C11orf21: variants seen among roughly 807,000 people sequenced by gnomAD.
C11orf21 encodes the protein chromosome 11 open reading frame 21.
C11orf21 carries 19 observed loss-of-function variants against 15.2 expected under a neutral mutation model. That is an observed-to-expected ratio of 1.25 (90% CI 0.87 to 1.84). C11orf21 has a LOEUF of 1.84. Ranked by LOEUF, C11orf21 falls within the 40% of genes most tolerant of loss-of-function variation. C11orf21 has a pLI of 0.00. For missense variants in C11orf21, 171 were observed against 174.4 expected, an observed-to-expected ratio of 0.98 and a Z score of 0.11; for synonymous variants, 62 against 66.8, an observed-to-expected ratio of 0.93 and a Z score of 0.35.
intron 3 of C11orf21, among the ~76,000 whole-genome samples, chr11:2,298,284 T>C (rs1847576423): frequency 6.6e-6 from 1 of 152,186 alleles, no homozygotes. Flanking sequence ...CGCTTGAGCA[T>C]CGGGGTCTGG....
At chr11:2,300,485 C>T in intron 2 of C11orf21, 35 bp downstream of exon 2, 1 of 1,396,808 alleles carries the variant, frequency 7.2e-7, no homozygotes, top group South Asian at 1.3e-5. Context: ...CCTGCCCCCG[C>T]TGGTGGGGCA....
chr11:2,297,689 ATGAGG>A lies in C11orf21; in HGVS notation c.*256_*260del, dbSNP rs1173096616. On this transcript the variant is annotated 3_prime_UTR_variant, in exon 4 of 4. Coordinates refer to ENST00000381153, the MANE Select transcript of C11orf21 (RefSeq NM_001329958.2). ...GCCAGCCCAGAGCTGTTTAGTAGAC[ATGAGG>A]TGAGTGAATGAATGAATGAATGAAT... 3 of 152,278 alleles carry A rather than the reference ATGAGG, an allele frequency of 2.0e-5. No homozygotes were observed. The highest frequency in any genetic ancestry group is 4.4e-5 in the Non-Finnish European group (3 of 68,070). The allele number at this position is 152,278 out of a possible 1,614,324, so 9.4% of individuals were successfully genotyped here. A position where few individuals can be genotyped will look rare whatever the true frequency, so the allele number is the denominator to read the frequency against.
upstream of C11orf21, chr11:2,302,581 AT>A: frequency 1.8e-6 from 1 of 549,946 alleles, no homozygotes; most frequent in South Asian, 2.2e-5. Flanking sequence ...CGTAGACACA[AT>A]GATCAGAGGT....
intron 1 of C11orf21, 182 bp from the exon 2 acceptor site, chr11:2,300,795 A>G (rs1230463020): frequency 1.3e-6 from 2 of 1,549,236 alleles, no homozygotes. Context: ...CATAGCCAAG[A>G]GCAGCTCATC....
upstream of C11orf21, chr11:2,302,806 G>A (rs1847835906): frequency 1.8e-5 from 29 of 1,577,666 alleles, no homozygotes; most frequent in Non-Finnish European, 2.3e-5. Flanking sequence ...TCCTGCAGCA[G>A]TCCCATGCCC....
Position 2,300,824 on chromosome 11 carries a change from C to T in C11orf21, c.54-211G>A, listed in dbSNP as rs577743055. 20 of 1,524,164 alleles carry T rather than the reference C, an allele frequency of 1.3e-5. No individual in the cohort carries two copies. The African/African-American group carries it at 1.9e-4, about 15-fold the overall frequency. The allele number at this position is 1,524,164 out of a possible 1,614,324, so 94.4% of individuals were successfully genotyped here. ...GCTCATCTTCCCTGGAGAGGACGGG[C>T]TGCCCACTTGCACAGCCCGGGGGCC... is the stretch of plus-strand genomic sequence containing the variant. On this transcript the variant is annotated intron_variant, in intron 1 of 3. Transcript: ENST00000381153.
At chr11:2,298,012 T>G (rs1345443314) in intron 3 of C11orf21, 91 bp from the exon 4 acceptor site, 1 of 152,202 alleles carries the variant, frequency 6.6e-6, no homozygotes, top group Admixed American at 6.5e-5. Context: ...CCAGGGACCT[T>G]CATGTCCTCA....
intron 1 of C11orf21, 126 bp downstream of exon 1, chr11:2,301,630 T>G: frequency 1.3e-6 from 1 of 796,580 alleles, no homozygotes; most frequent in Non-Finnish European, 1.9e-6. Flanking sequence ...CACAGGACAT[T>G]TCAAAGGGTG....
In C11orf21 at chr11:2,299,702, G is replaced by A. The variant is rs1160109423; in HGVS notation, c.153C>T (p.Ala51=). Residue 51 remains alanine, a synonymous_variant, in exon 3 of 4, where the codon GCC becomes GCT. Coordinates refer to ENST00000381153, the MANE Select transcript of C11orf21 (RefSeq NM_001329958.2). ...TPGWPSRDQE[A]PGSMMPPAAA... is the part of the protein sequence containing the mutation. ...CTGCAGGTGGCATCATTGAGCCAGGGGCCTCCTGGTGGGTAAGGACATTGT... is the reference window on the plus strand; with the variant it reads ...CTGCAGGTGGCATCATTGAGCCAGGAGCCTCCTGGTGGGTAAGGACATTGT... 3.2e-6 allele frequency: 5 copies of A among 1,550,846 alleles called. No homozygotes were observed. In the East Asian group the frequency reaches 7.3e-5, roughly 23 times the overall value.
chr11:2,299,038 A>C (rs1167025339), intron 3 of C11orf21, among the ~76,000 whole-genome samples: 1 of 152,086 alleles, frequency 6.6e-6, no homozygotes, highest in Non-Finnish European at 1.5e-5. Context: ...CCCAGAACCC[A>C]GTTTGAGTAT....
At chr11:2,300,726 G>A (rs764918800) in intron 1 of C11orf21, 113 bp from the exon 2 acceptor site, 114 of 1,550,852 alleles carry the variant, frequency 7.4e-5, no homozygotes, top group Non-Finnish European at 9.0e-5. Flanking sequence ...CTCCAGGCCC[G>A]CCTCACCAGC....
rs1847528076 is a variant in C11orf21, at chr11:2,296,466, G to C, written c.*1484C>G. 1 of 152,188 alleles carries C rather than the reference G, an allele frequency of 6.6e-6. No homozygotes were observed. Among genetic ancestry groups the C allele is most frequent in the Non-Finnish European group, 1.5e-5 (1 of 68,066 alleles). The allele number at this position is 152,188 out of a possible 1,614,324, so 9.4% of individuals were successfully genotyped here. A position where few individuals can be genotyped will look rare whatever the true frequency, so the allele number is the denominator to read the frequency against. The stretch of plus-strand genomic sequence containing the variant: ...ATGGGTGTTTGTGTCCCCAGGAGTG[G>C]GTGTCAGGTTAGAGTTAGAGTCCAG... On this transcript the variant is annotated 3_prime_UTR_variant, in exon 4 of 4. Transcript: ENST00000381153. This position sits in a 1 kb window ranked among gnomAD's most constrained non-coding sequence, Gnocchi z 5.6.
chr11:2,302,750 A>C, upstream of C11orf21: 1 of 957,924 alleles, frequency 1.0e-6, no homozygotes, highest in Non-Finnish European at 1.6e-6. Context: ...GGGACCGGGA[A>C]GCTGGAGAGA....
upstream of C11orf21, among the ~76,000 whole-genome samples, chr11:2,302,427 C>T (rs1010544924): frequency 3.3e-5 from 5 of 152,174 alleles, no homozygotes; most frequent in African/African-American, 4.8e-5. Flanking sequence ...TCCTGAGGGG[C>T]AGCACAGAGC....
Position 2,296,730 on chromosome 11 carries a change from G to T in C11orf21, c.*1220C>A, listed in dbSNP as rs1466914000. The stretch of plus-strand genomic sequence containing the variant: ...CAAGGCCACAGGGCTCCATGGGCTG[G>T]ACTGTTCCAATCACTGCCGGTGCCA... On this transcript the variant is annotated 3_prime_UTR_variant, in exon 4 of 4. Coordinates refer to ENST00000381153, the MANE Select transcript of C11orf21 (RefSeq NM_001329958.2). The surrounding 1 kb of genome is among the most constrained non-coding windows in gnomAD (Gnocchi z 5.6). 1.3e-5 allele frequency: 2 copies of T among 152,324 alleles called. No homozygotes were observed. The highest frequency in any genetic ancestry group is 4.8e-5 in the African/African-American group (2 of 41,458). The allele number at this position is 152,324 out of a possible 1,614,324, so 9.4% of individuals were successfully genotyped here. A position where few individuals can be genotyped will look rare whatever the true frequency, so the allele number is the denominator to read the frequency against.
chr11:2,298,515 G>A (rs940964001), intron 3 of C11orf21, among the ~76,000 whole-genome samples: 20 of 152,212 alleles, frequency 1.3e-4, no homozygotes, highest in African/African-American at 4.8e-4. Flanking sequence ...AGGGTCCGAT[G>A]TGCATTTTTC....
rs1589781226 is a variant in C11orf21 at position 2,297,335 on chromosome 11, A to G, written c.*615T>C. 1 of 152,438 alleles carries G rather than the reference A, an allele frequency of 6.6e-6. No individual in the cohort carries two copies. The highest frequency in any genetic ancestry group is 6.5e-5 in the Admixed American group (1 of 15,290). The allele number at this position is 152,438 out of a possible 1,614,324, so 9.4% of individuals were successfully genotyped here. ...CCTGCACGGCCTCCAGCATTGCCCA[A>G]ATTCACTGCCTTCACTCCCAAGTCC... On this transcript the variant is annotated 3_prime_UTR_variant, in exon 4 of 4. Coordinates refer to ENST00000381153, the MANE Select transcript of C11orf21 (RefSeq NM_001329958.2).
At chr11:2,302,086 C>G (rs1249346035), upstream of C11orf21, 5 of 1,486,900 alleles carry the variant, frequency 3.4e-6, no homozygotes, top group South Asian at 4.3e-5. Flanking sequence ...GTCTGAGGCC[C>G]CTGCCCAGCT....
Position 2,296,480 on chromosome 11 carries a change from GTTA to G in C11orf21, c.*1467_*1469del, listed in dbSNP as rs1847528470. 6.6e-6 allele frequency: 1 copy of G among 152,192 alleles called. No homozygotes were observed. The highest frequency in any genetic ancestry group is 2.1e-4 in the South Asian group (1 of 4,782). The allele number at this position is 152,192 out of a possible 1,614,324, so 9.4% of individuals were successfully genotyped here. On this transcript the variant is annotated 3_prime_UTR_variant, in exon 4 of 4. Coordinates refer to ENST00000381153, the MANE Select transcript of C11orf21 (RefSeq NM_001329958.2). This position sits in a 1 kb window ranked among gnomAD's most constrained non-coding sequence, Gnocchi z 5.6. ...CCCCAGGAGTGGGTGTCAGGTTAGA[GTTA>G]GAGTCCAGTAATCCCCCTGAGTCTG... is the stretch of plus-strand genomic sequence containing the variant.
Sources: allele counts gnomAD v4.1 joint callset (sites outside exome capture counted in the v4.1 genomes callset), GRCh38; gene constraint gnomAD v4.1.1; non-coding constraint Gnocchi (gnomAD v3.1); transcripts MANE v1.5; gene names NCBI Gene and HGNC (gene_info 2026-07-23, HGNC 2026-07-21).